SHC2: variants seen among roughly 807,000 people sequenced by gnomAD.
The protein encoded by SHC2 is SHC adaptor protein 2, also known as SHC-transforming protein 2.
In SHC2, 62 loss-of-function variants were observed where a neutral mutation model predicts 60.6. The ratio of observed to expected loss-of-function variants is 1.02; its 90% CI spans 0.83 to 1.26. The LOEUF (loss-of-function observed/expected upper bound fraction) is 1.26, where lower values mean the gene tolerates loss of function less well. SHC2 is among the 50% of genes most tolerant of loss of function. SHC2 has a pLI of 0.00. For synonymous variants in SHC2, 375 were observed against 372.4 expected (o/e 1.01, Z -0.08); for missense variants, 873 against 822.2 (o/e 1.06, Z -0.76).
At position 439,002 on chromosome 19, in the gene SHC2, C is replaced by T. The variant is rs758448724; in HGVS notation, c.568G>A (p.Val190Met). The change falls in exon 3 of 13, where the codon GTG becomes ATG. Residue 190 changes from valine to methionine, a missense_variant. Coordinates refer to ENST00000264554, the MANE Select transcript of SHC2 (RefSeq NM_012435.3). ...TTCCAGGATCCCCGGACGCCAGGCA[C>T]GGCCTCATGGAGCCGGTTGATGGCT... ...REAINRLHEAVPGVRGSWKKK... is the reference protein window; with the variant it reads ...REAINRLHEAMPGVRGSWKKK... 46 of 1,597,668 alleles carry T rather than the reference C, an allele frequency of 2.9e-5. 1 individual carries two copies. In the South Asian group the frequency reaches 4.3e-4, roughly 15 times the overall value.
At position 446,840 on chromosome 19, in the gene SHC2, G is replaced by A. The variant is rs943974085; in HGVS notation, c.469-5908C>T. ...CCCAGAGAGGGGATGGCACCTGGCCGGCCTCACGCACGCAGCAGGCCAGGG... is the reference window on the plus strand; with the variant it reads ...CCCAGAGAGGGGATGGCACCTGGCCAGCCTCACGCACGCAGCAGGCCAGGG... On this transcript the variant is annotated intron_variant, in intron 1 of 12. Coordinates refer to ENST00000264554, the MANE Select transcript of SHC2 (RefSeq NM_012435.3). This position sits in a 1 kb window ranked among gnomAD's most constrained non-coding sequence, Gnocchi z 5.4. Among the ~76,000 whole-genome samples the A allele has an allele frequency of 2.0e-5, 3 of 152,128 alleles. No individual in the cohort carries two copies. The highest frequency in any genetic ancestry group is 1.3e-4 in the Admixed American group (2 of 15,276).
Position 424,698 on chromosome 19 carries a change from A to AC in SHC2, c.1309+398dup, listed in dbSNP as rs1267828229. Among the ~76,000 whole-genome samples, 1 of 151,988 alleles carries AC rather than the reference A, an allele frequency of 6.6e-6. No homozygotes were observed. Among genetic ancestry groups the AC allele is most frequent in the African/African-American group, 2.4e-5 (1 of 41,374 alleles). ...GGGTTCCGACAGAGGCAGGTGGGTT[A>AC]CCCCCGAGAGAGTGGAGCTTCTCAC... On this transcript the variant is annotated intron_variant, in intron 10 of 12. Transcript: ENST00000264554. The surrounding 1 kb of genome is among the most constrained non-coding windows in gnomAD (Gnocchi z 4.5).
chr19:436,506 CAG>C (rs1203625094), intron 5 of SHC2, 75 bp from the exon 6 acceptor site: 6 of 1,588,078 alleles, frequency 3.8e-6, no homozygotes, highest in Middle Eastern at 1.7e-4. Context: ...CCCAGCAATG[CAG>C]AGAGATGGGG....
At chr19:418,890 CAAG>C in intron 12 of SHC2, 30 bp downstream of exon 12, 2 of 1,566,214 alleles carry the variant, frequency 1.3e-6, no homozygotes, top group South Asian at 2.3e-5. Context: ...GCAAAGGAGG[CAAG>C]GCCAGCGACC....
chr19:431,199 T>C (rs963829419), intron 8 of SHC2, among the ~76,000 whole-genome samples: 1 of 152,270 alleles, frequency 6.6e-6, no homozygotes, highest in African/African-American at 2.4e-5. Context: ...ATTTATTTAG[T>C]GTCTGAGGGT....
intron 11 of SHC2, 50 bp from the exon 12 acceptor site, chr19:419,106 G>A (rs372448592): frequency 8.2e-5 from 126 of 1,528,056 alleles, no homozygotes; most frequent in Middle Eastern, 4.0e-4. Flanking sequence ...GCCTGGACCC[G>A]TGGAGTAGGA....
In SHC2 at chr19:438,597, G is replaced by T; in HGVS notation, c.720+121C>A. On this transcript the variant is annotated intron_variant, in intron 4 of 12. Coordinates refer to ENST00000264554, the MANE Select transcript of SHC2 (RefSeq NM_012435.3). The surrounding 1 kb of genome is among the most constrained non-coding windows in gnomAD (Gnocchi z 5.0). Reference sequence around the variant, plus strand: ...CCAGCTCCTGCTCAGCGGGGCCTCGGCTCGTCTTTCTGGATAAACGCCACC... The same window carrying T: ...CCAGCTCCTGCTCAGCGGGGCCTCGTCTCGTCTTTCTGGATAAACGCCACC... 1.7e-6 allele frequency: 2 copies of T among 1,193,174 alleles called. No individual in the cohort carries two copies. The highest frequency in any genetic ancestry group is 2.3e-6 in the Non-Finnish European group (2 of 863,738). 73.9% of individuals were successfully genotyped at this position (1,193,174 alleles called of 1,614,324 possible). A position where few individuals can be genotyped will look rare whatever the true frequency, so the allele number is the denominator to read the frequency against.
At position 438,714 on chromosome 19, in the gene SHC2, C is replaced by T; in HGVS notation, c.720+4G>A. Reference sequence around the variant, plus strand: ...GGGACGCCAGGCGAAGAGGGCAGACCCACCTGGCGCGTGGCAGGCACGGAG... The same window carrying T: ...GGGACGCCAGGCGAAGAGGGCAGACTCACCTGGCGCGTGGCAGGCACGGAG... On this transcript the variant is annotated splice_donor_region_variant and intron_variant, in intron 4 of 12. Transcript: ENST00000264554. The surrounding 1 kb of genome is among the most constrained non-coding windows in gnomAD (Gnocchi z 5.0). 3 of 1,553,440 alleles carry T rather than the reference C, an allele frequency of 1.9e-6. No homozygotes were observed. The highest frequency in any genetic ancestry group is 2.4e-5 in the South Asian group (2 of 84,154).
chr19:426,390 AC>A (rs2145697957), intron 9 of SHC2, among the ~76,000 whole-genome samples: 2 of 143,452 alleles, frequency 1.4e-5, no homozygotes, highest in African/African-American at 5.1e-5. Context: ...GGAGGACGAC[AC>A]CGAGAGGGGC....
intron 11 of SHC2, among the ~76,000 whole-genome samples, chr19:420,538 T>C (rs985111302): frequency 6.6e-6 from 1 of 152,232 alleles, no homozygotes; most frequent in African/African-American, 2.4e-5. Context: ...GGAAAATGCT[T>C]TGTAAACCTT....
chr19:439,836 A>G (rs549849079), intron 2 of SHC2, among the ~76,000 whole-genome samples: 21 of 152,086 alleles, frequency 1.4e-4, no homozygotes, highest in African/African-American at 4.8e-4. Context: ...GACCGGTCTG[A>G]CCAACATGGA....
intron 10 of SHC2, among the ~76,000 whole-genome samples, chr19:423,903 G>C (rs539608046): frequency 1.3e-5 from 2 of 152,212 alleles, no homozygotes; most frequent in African/African-American, 4.8e-5. Context: ...GGGAAGCTCA[G>C]AGCCCCAAGC....
chr19:424,178 G>A lies in SHC2; in HGVS notation c.1309+919C>T, dbSNP rs1291198279. Among the ~76,000 whole-genome samples, 1 of 152,190 alleles carries A rather than the reference G, an allele frequency of 6.6e-6. No homozygotes were observed. The highest frequency in any genetic ancestry group is 1.5e-5 in the Non-Finnish European group (1 of 68,034). Reference sequence around the variant, plus strand: ...GAGAAGGGCAGAGTCGAGGCTGCAGGAAATCAGGAGAGAACTCTGGACACC... The same window carrying A: ...GAGAAGGGCAGAGTCGAGGCTGCAGAAAATCAGGAGAGAACTCTGGACACC... On this transcript the variant is annotated intron_variant, in intron 10 of 12. Coordinates refer to ENST00000264554, the MANE Select transcript of SHC2 (RefSeq NM_012435.3). This position sits in a 1 kb window ranked among gnomAD's most constrained non-coding sequence, Gnocchi z 4.5.
intron 1 of SHC2, among the ~76,000 whole-genome samples, chr19:449,048 G>A (rs1206979909): frequency 3.3e-5 from 5 of 152,066 alleles, no homozygotes; most frequent in African/African-American, 9.7e-5. Flanking sequence ...CACACCTGTA[G>A]TCCCAGCTAC....
rs971316538 is a variant in SHC2, at chr19:445,481, C to T, written c.469-4549G>A. 1.3e-5 allele frequency among the ~76,000 whole-genome samples: 2 copies of T among 152,200 alleles called. No individual in the cohort carries two copies. Among genetic ancestry groups the T allele is most frequent in the South Asian group, 2.1e-4 (1 of 4,830 alleles). Reference sequence around the variant, plus strand: ...TGGCACAGCAGCTCATGCCTGTAATCGCAGCACTTCAGGAGACCTAGGTGG... The same window carrying T: ...TGGCACAGCAGCTCATGCCTGTAATTGCAGCACTTCAGGAGACCTAGGTGG... On this transcript the variant is annotated intron_variant, in intron 1 of 12. Coordinates refer to ENST00000264554, the MANE Select transcript of SHC2 (RefSeq NM_012435.3). This position sits in a 1 kb window ranked among gnomAD's most constrained non-coding sequence, Gnocchi z 4.4.
At chr19:430,855 G>A in intron 8 of SHC2, 108 bp from the exon 9 acceptor site, 7 of 1,009,910 alleles carry the variant, frequency 6.9e-6, no homozygotes, top group Non-Finnish European at 1.0e-5. Context: ...AGACTTAGGG[G>A]TGGGGAGCAC....
At chr19:435,075 C>T (rs1435143500) in intron 7 of SHC2, among the ~76,000 whole-genome samples, 1 of 152,354 alleles carries the variant, frequency 6.6e-6, no homozygotes, top group African/African-American at 2.4e-5. Flanking sequence ...CACACATTTC[C>T]GAGCTGTAGC....
chr19:451,746 C>T (rs111572517), intron 1 of SHC2, among the ~76,000 whole-genome samples: 5,054 of 152,112 alleles, frequency 0.033, 279 homozygotes, highest in African/African-American at 0.11. Context: ...TACAGTTGCC[C>T]GCCATCACAC....
At chr19:454,278 G>A (rs1309027498) in intron 1 of SHC2, among the ~76,000 whole-genome samples, 1 of 152,182 alleles carries the variant, frequency 6.6e-6, no homozygotes, top group Non-Finnish European at 1.5e-5. Context: ...GGCAGTGCCG[G>A]GCTGGGCTCA....
Sources: gnomAD v4.1 joint callset for allele counts (sites outside exome capture counted in the v4.1 genomes callset) on GRCh38, gnomAD v4.1.1 for gene constraint, Gnocchi (gnomAD v3.1) non-coding constraint, MANE v1.5 for transcripts, NCBI Gene and HGNC (gene_info 2026-07-23, HGNC 2026-07-21) for gene names.